Variants in NRG1 observed in about 807,000 individuals in gnomAD.
The protein encoded by NRG1 is pro-neuregulin-1, membrane-bound isoform.
NRG1 carries 18 observed loss-of-function variants against 63.8 expected under a neutral mutation model. The observed-to-expected ratio is 0.28, with a 90% CI of 0.19 to 0.42. The LOEUF is 0.42. Ranked by LOEUF, NRG1 falls within the 10% of genes least tolerant of loss-of-function variation. NRG1 has a pLI of 1.00. For missense variants in NRG1, 762 were observed against 814.7 expected (o/e 0.94, Z 0.79); for synonymous variants, 302 against 301.3 (o/e 1.00, Z -0.02).
intron 1 of NRG1, among the ~76,000 whole-genome samples, chr8:32,031,363 G>A (rs1818227654): frequency 6.6e-6 from 1 of 152,212 alleles, no homozygotes; most frequent in Admixed American, 6.5e-5. Context: ...GCAGGCAGCT[G>A]CTGCACAGTC....
chr8:32,570,224 TATATTTTCTATATAAC>T (rs1278357222), intron 1 of NRG1, among the ~76,000 whole-genome samples: 2 of 152,172 alleles, frequency 1.3e-5, no homozygotes, highest in Non-Finnish European at 2.9e-5. Context: ...TATTTATCTT[TATATTTTCTATATAAC>T]ATGCATGTTC....
intron 1 of NRG1, among the ~76,000 whole-genome samples, chr8:32,527,605 G>C (rs1266081475): frequency 1.4e-5 from 2 of 143,888 alleles, no homozygotes; most frequent in Non-Finnish European, 2.9e-5. Context: ...CAGTATATCA[G>C]TATAACAACA....
At chr8:32,256,971 G>T (rs1006148996) in intron 1 of NRG1, among the ~76,000 whole-genome samples, 3 of 152,204 alleles carry the variant, frequency 2.0e-5, no homozygotes, top group Non-Finnish European at 4.4e-5. Context: ...CTTTCTTTCA[G>T]AGATGCCCTG....
chr8:32,771,706 T>TAAAAAAAAAA (rs36131405), downstream of NRG1, among the ~76,000 whole-genome samples: 607 of 80,196 alleles, frequency 7.6e-3, 11 homozygotes, highest in Non-Finnish European at 0.011. Context: ...TCCATTTCTT[T>TAAAAAAAAAA]AAAAAAAAAA....
intron 1 of NRG1, among the ~76,000 whole-genome samples, chr8:31,757,156 A>G (rs1043516425): frequency 4.6e-5 from 7 of 152,154 alleles, no homozygotes; most frequent in African/African-American, 1.7e-4. Flanking sequence ...CTGTCTCAAT[A>G]CTGGAAATTT....
chr8:31,824,809 C>A (rs530719495), intron 1 of NRG1, among the ~76,000 whole-genome samples: 1 of 152,166 alleles, frequency 6.6e-6, no homozygotes, highest in South Asian at 2.1e-4. Context: ...TCAGCATACA[C>A]ACATACACAA....
At chr8:32,493,517 T>C (rs1826841294) in intron 1 of NRG1, among the ~76,000 whole-genome samples, 1 of 152,198 alleles carries the variant, frequency 6.6e-6, no homozygotes, top group Admixed American at 6.5e-5. Context: ...AGACATCCAG[T>C]TGAAAAACCA....
chr8:32,476,095 C>A (rs1222382884), intron 1 of NRG1, among the ~76,000 whole-genome samples: 1 of 151,578 alleles, frequency 6.6e-6, no homozygotes, highest in Non-Finnish European at 1.5e-5. Flanking sequence ...GTGAAGGACA[C>A]ACAGATACAT....
intron 1 of NRG1, among the ~76,000 whole-genome samples, chr8:31,871,225 T>G (rs2129611576): frequency 6.6e-6 from 1 of 150,970 alleles, no homozygotes. Flanking sequence ...TCCACCCGCC[T>G]TGGCCTCCCA....
At chr8:32,684,722 T>C (rs533057306) in intron 5 of NRG1, among the ~76,000 whole-genome samples, 3 of 152,112 alleles carry the variant, frequency 2.0e-5, no homozygotes, top group Non-Finnish European at 4.4e-5. Context: ...ATGCTTAGCA[T>C]TGATTTTTTG....
intron 1 of NRG1, among the ~76,000 whole-genome samples, chr8:31,998,828 G>C (rs1033219028): frequency 3.3e-5 from 5 of 151,910 alleles, no homozygotes; most frequent in Non-Finnish European, 5.9e-5. Flanking sequence ...ATCTACTTTT[G>C]TGAACATGCA....
intron 5 of NRG1, among the ~76,000 whole-genome samples, chr8:32,650,542 T>G (rs1168918387): frequency 6.6e-6 from 1 of 150,884 alleles, no homozygotes; most frequent in Non-Finnish European, 1.5e-5. Flanking sequence ...GAGGTTGTTG[T>G]GGGGAGAGTA....
At chr8:32,312,053 A>C (rs928495834) in intron 1 of NRG1, among the ~76,000 whole-genome samples, 1 of 152,086 alleles carries the variant, frequency 6.6e-6, no homozygotes, top group African/African-American at 2.4e-5. Context: ...AAGGTGGGGC[A>C]GTAATGAGTA....
chr8:31,803,239 T>C (rs1821961333), intron 1 of NRG1, among the ~76,000 whole-genome samples: 1 of 152,210 alleles, frequency 6.6e-6, no homozygotes, highest in Admixed American at 6.5e-5. Flanking sequence ...TCAGTGTACC[T>C]GCAGTTATAA....
chr8:32,360,799 G>A (rs1272959712), intron 1 of NRG1, among the ~76,000 whole-genome samples: 1 of 152,100 alleles, frequency 6.6e-6, no homozygotes, highest in Non-Finnish European at 1.5e-5. Flanking sequence ...CTATCACCAG[G>A]GAGTCAGCAG....
intron 5 of NRG1, among the ~76,000 whole-genome samples, chr8:32,655,756 G>A (rs748271227): frequency 7.9e-5 from 12 of 152,102 alleles, no homozygotes; most frequent in Admixed American, 2.0e-4. Flanking sequence ...AAAAATCACT[G>A]CATGAGGGGC....
intron 1 of NRG1, among the ~76,000 whole-genome samples, chr8:32,203,861 G>C (rs1183331256): frequency 6.6e-6 from 1 of 152,242 alleles, no homozygotes; most frequent in East Asian, 1.9e-4. Flanking sequence ...ATCAGAGCTT[G>C]AACGTGGATC....
At chr8:32,632,801 A>G (rs1850574533) in intron 5 of NRG1, among the ~76,000 whole-genome samples, 1 of 152,192 alleles carries the variant, frequency 6.6e-6, no homozygotes, top group East Asian at 1.9e-4. Flanking sequence ...CAGCTCATTC[A>G]TTTAGAAAGA....
chr8:31,924,516 T>C (rs1367436019), intron 1 of NRG1, among the ~76,000 whole-genome samples: 1 of 152,128 alleles, frequency 6.6e-6, no homozygotes, highest in Non-Finnish European at 1.5e-5. Flanking sequence ...TCAATAAGGC[T>C]TGTTAAGAGA....
Sources: allele counts gnomAD v4.1 joint callset (sites outside exome capture counted in the v4.1 genomes callset), GRCh38; gene constraint gnomAD v4.1.1; transcripts MANE v1.5; gene names NCBI Gene and HGNC (gene_info 2026-07-23, HGNC 2026-07-21).